Variants in CNPY3 observed in about 807,000 individuals in gnomAD.
CNPY3 encodes canopy FGF signaling regulator 3, also known as protein canopy homolog 3.
Under a neutral mutation model 32.0 loss-of-function variants are expected in CNPY3, and 20 were observed. The observed-to-expected ratio is 0.63, with a 90% CI of 0.44 to 0.91. The LOEUF (loss-of-function observed/expected upper bound fraction) is 0.91. Among genes scored for constraint, CNPY3 ranks in the 40% least tolerant of loss-of-function variants. CNPY3 has a pLI of 0.00. For synonymous variants in CNPY3, 138 were observed against 142.9 expected (o/e 0.97, Z 0.24); for missense variants, 299 against 340.8 (o/e 0.88, Z 0.97).
intron 2 of CNPY3, among the ~76,000 whole-genome samples, chr6:42,935,125 C>A (rs1768124473): frequency 1.3e-5 from 2 of 152,138 alleles, no homozygotes; most frequent in Admixed American, 1.3e-4. Context: ...GCCTCGGCCT[C>A]CCAAAGTGCT....
At position 42,934,553 on chromosome 6, in the gene CNPY3, A is replaced by G; in HGVS notation, c.230A>G (p.Tyr77Cys). The G allele has an allele frequency of 1.2e-6, 2 of 1,614,140 alleles. No homozygotes were observed. Among genetic ancestry groups the G allele is most frequent in the South Asian group, 1.1e-5 (1 of 91,082 alleles). ...ACCAAGGAGGTGATTGGCACGGGCT[A>G]TGGCATCCTGGACCAGAAGGCCTCT... ...GKTKEVIGTG[Y>C]GILDQKASGV... Residue 77 changes from tyrosine (Y) to cysteine (C), a missense_variant, in exon 2 of 6, where the codon TAT becomes TGT. Around this residue, in one of 2 missense-constraint regions of CNPY3, gnomAD observed 211 missense variants for 278.3 expected, o/e 0.76. Transcript: ENST00000372836.
chr6:42,937,822 G>A lies in CNPY3; in HGVS notation c.478G>A (p.Ala160Thr). Residue 160 changes from alanine to threonine, a missense_variant, in exon 4 of 6, where the codon GCT (alanine) becomes ACT (threonine). Transcript: ENST00000372836. ...ELWNETSAEV[A>T]DLKKQCDVLV... is the part of the protein sequence containing the mutation. ...GTGGAACGAGACTTCTGCAGAGGTG[G>A]CTGACCTCAAGAAGCAGGTACAGGC... The A allele has an allele frequency of 6.2e-7, 1 of 1,614,116 alleles. No homozygotes were observed. The highest frequency in any genetic ancestry group is 8.5e-7 in the Non-Finnish European group (1 of 1,180,014).
At chr6:42,930,307 G>A (rs1009579449) in intron 1 of CNPY3, among the ~76,000 whole-genome samples, 4 of 152,110 alleles carry the variant, frequency 2.6e-5, no homozygotes, top group African/African-American at 7.2e-5. Flanking sequence ...ACAACTCCTC[G>A]AAGGCAGGAA....
At chr6:42,936,178 T>TA (rs1320926027) in intron 3 of CNPY3, among the ~76,000 whole-genome samples, 1 of 133,672 alleles carries the variant, frequency 7.5e-6, no homozygotes, top group Non-Finnish European at 1.6e-5. Flanking sequence ...CCATAGTTCT[T>TA]ACTCTCTACA....
chr6:42,929,790 C>G (rs920402676), intron 1 of CNPY3, 69 bp downstream of exon 1: 2 of 1,481,372 alleles, frequency 1.4e-6, no homozygotes, highest in East Asian at 2.5e-5. Flanking sequence ...GCTTGCGGAG[C>G]AGCGTCGGGG....
intron 5 of CNPY3, 48 bp downstream of exon 5, chr6:42,938,255 C>T (rs774520934): frequency 1.4e-6 from 2 of 1,441,478 alleles, no homozygotes; most frequent in Non-Finnish European, 2.0e-6. Context: ...GATTTGTTTG[C>T]TCTCCCTTGG....
Position 42,938,651 on chromosome 6 carries a change from G to A in CNPY3, c.697G>A (p.Ala233Thr). Reference sequence around the variant, plus strand: ...GAAGTCCAAGAAGAAGAGCAGCAGGGCCAAGGCAGCAGGCGGCAGGAGTAG... The same window carrying A: ...GAAGTCCAAGAAGAAGAGCAGCAGGACCAAGGCAGCAGGCGGCAGGAGTAG... Reference protein sequence around the residue: ...GKKSKKKSSRAKAAGGRSSSS... With the variant: ...GKKSKKKSSRTKAAGGRSSSS... Residue 233 changes from alanine (A) to threonine (T), a missense_variant, in exon 6 of 6, where the codon GCC (alanine) becomes ACC (threonine). Physicochemically the swap from Ala to Thr is moderately conservative, Grantham distance 58. This residue lies in a region of CNPY3 where 211 missense variants were observed against 278.3 expected (regional missense o/e 0.76). Transcript: ENST00000372836. 1 of 1,612,756 alleles carries A rather than the reference G, an allele frequency of 6.2e-7. No individual in the cohort carries two copies. The highest frequency in any genetic ancestry group is 8.5e-7 in the Non-Finnish European group (1 of 1,179,416).
upstream of CNPY3, among the ~76,000 whole-genome samples, chr6:42,928,757 C>T (rs1268572202): frequency 6.6e-6 from 1 of 152,106 alleles, no homozygotes; most frequent in Non-Finnish European, 1.5e-5. Context: ...GGATTACATA[C>T]AAAAAGAAAA....
At position 42,938,666 on chromosome 6, in the gene CNPY3, GGCAGGAGTAGCA is replaced by G; in HGVS notation, c.717_728del (p.Arg239_Ser242del). ...GAGCAGCAGGGCCAAGGCAGCAGGC[GGCAGGAGTAGCA>G]GCAGCAAACAAAGGAAGGAGCTGGG... On this transcript the variant is annotated inframe_deletion, in exon 6 of 6. Coordinates refer to ENST00000372836, the MANE Select transcript of CNPY3 (RefSeq NM_006586.5). 6.2e-7 allele frequency: 1 copy of G among 1,613,532 alleles called. No homozygotes were observed. The highest frequency in any genetic ancestry group is 1.1e-5 in the South Asian group (1 of 90,930).
At chr6:42,928,326 T>TGGG (rs34224541), upstream of CNPY3, among the ~76,000 whole-genome samples, 12 of 151,050 alleles carry the variant, frequency 7.9e-5, no homozygotes, top group East Asian at 1.9e-4. Context: ...ATTTTTGAGA[T>TGGG]GGGGGGGGTG....
intron 2 of CNPY3, among the ~76,000 whole-genome samples, chr6:42,934,991 A>G (rs1024236897): frequency 2.0e-5 from 3 of 152,154 alleles, no homozygotes; most frequent in Non-Finnish European, 4.4e-5. Context: ...CAGCCTCCCA[A>G]GTAGCTGGGA....
At chr6:42,932,411 G>A (rs3793024) in intron 1 of CNPY3, among the ~76,000 whole-genome samples, 9,491 of 152,186 alleles carry the variant, frequency 0.062, 522 homozygotes, top group South Asian at 0.15. Context: ...GAACCTGCCC[G>A]GAAAAAAAGA....
At chr6:42,930,510 T>C (rs1180364547) in intron 1 of CNPY3, among the ~76,000 whole-genome samples, 2 of 151,626 alleles carry the variant, frequency 1.3e-5, no homozygotes, top group Non-Finnish European at 2.9e-5. Flanking sequence ...AAAAGGTGAG[T>C]CCCAAAGACA....
intron 2 of CNPY3, chr6:42,935,321 T>C (rs1277494675): frequency 4.7e-6 from 3 of 643,692 alleles, no homozygotes; most frequent in Non-Finnish European, 5.8e-6. Flanking sequence ...TTTTGCTTTA[T>C]CAAAAAATCT....
chr6:42,929,550 G>A lies in CNPY3; in HGVS notation c.-21G>A, dbSNP rs1407967322. 2 of 1,557,742 alleles carry A rather than the reference G, an allele frequency of 1.3e-6. No individual in the cohort carries two copies. Among genetic ancestry groups the A allele is most frequent in the Admixed American group, 3.8e-5 (2 of 52,178 alleles). On this transcript the variant is annotated 5_prime_UTR_variant, in exon 1 of 6. Transcript: ENST00000372836. ...GGAGGAGGAACCGCCCGGTCCTTTAGGGTCCGGGCCCGGCCGGGCCATGGA... is the reference window on the plus strand; with the variant it reads ...GGAGGAGGAACCGCCCGGTCCTTTAAGGTCCGGGCCCGGCCGGGCCATGGA...
upstream of CNPY3, among the ~76,000 whole-genome samples, chr6:42,928,739 AG>A (rs920046539): frequency 3.9e-5 from 6 of 152,174 alleles, no homozygotes; most frequent in African/African-American, 1.4e-4. Context: ...GGGCAGTAAA[AG>A]GGGCTGGGAT....
chr6:42,928,680 C>T (rs375705454), upstream of CNPY3, among the ~76,000 whole-genome samples: 1 of 152,244 alleles, frequency 6.6e-6, no homozygotes, highest in South Asian at 2.1e-4. Context: ...AATCGTTAAT[C>T]GGCTAAATTT....
rs765707879 is a variant in CNPY3, at chr6:42,934,554, T to C, written c.231T>C (p.Tyr77=). Reference sequence around the variant, plus strand: ...CCAAGGAGGTGATTGGCACGGGCTATGGCATCCTGGACCAGAAGGCCTCTG... The same window carrying C: ...CCAAGGAGGTGATTGGCACGGGCTACGGCATCCTGGACCAGAAGGCCTCTG... ...GKTKEVIGTG[Y]GILDQKASGV... The change falls in exon 2 of 6, where the codon TAT becomes TAC. Residue 77 remains tyrosine, a synonymous_variant. Coordinates refer to ENST00000372836, the MANE Select transcript of CNPY3 (RefSeq NM_006586.5). The C allele has an allele frequency of 2.4e-5, 39 of 1,614,034 alleles. No individual in the cohort carries two copies. Among genetic ancestry groups the C allele is most frequent in the Non-Finnish European group, 3.1e-5 (36 of 1,180,024 alleles).
At chr6:42,936,024 T>TG (rs1418742803) in intron 3 of CNPY3, among the ~76,000 whole-genome samples, 1 of 138,996 alleles carries the variant, frequency 7.2e-6, no homozygotes, top group Non-Finnish European at 1.5e-5. Flanking sequence ...AGAGGACACC[T>TG]CGGTGGGAGT....
Sources: gnomAD v4.1 joint callset for allele counts (sites outside exome capture counted in the v4.1 genomes callset) on GRCh38, gnomAD v4.1.1 for gene constraint, gnomAD v4.1.1 regional missense constraint, MANE v1.5 for transcripts, NCBI Gene and HGNC (gene_info 2026-07-23, HGNC 2026-07-21) for gene names.